HYDIN: variants seen among roughly 807,000 people sequenced by gnomAD.
HYDIN encodes axonemal central pair apparatus protein HYDIN.
Under a neutral mutation model 403.9 loss-of-function variants are expected in HYDIN, and 132 were observed. The observed-to-expected ratio is 0.33, with a 90% CI of 0.28 to 0.38. The LOEUF is 0.38. HYDIN is among the 10% of genes least tolerant of loss of function. The pLI is 1.00. For missense variants in HYDIN, 2,827 were observed against 5,009.5 expected, an observed-to-expected ratio of 0.56 and a Z score of 13.15; for synonymous variants, 1,202 against 1,891.7, an observed-to-expected ratio of 0.64 and a Z score of 9.46.
At chr16:70,930,352 A>T (rs1421681181) in intron 45 of HYDIN, among the ~76,000 whole-genome samples, 2 of 152,140 alleles carry the variant, frequency 1.3e-5, no homozygotes, top group East Asian at 3.9e-4. Flanking sequence ...ATGGTGGCAC[A>T]CGTCTGCAGT....
At chr16:70,850,992 A>G (rs1377764835) in intron 73 of HYDIN, among the ~76,000 whole-genome samples, 1 of 152,102 alleles carries the variant, frequency 6.6e-6, no homozygotes, top group Non-Finnish European at 1.5e-5. Flanking sequence ...AGCCAGAAGA[A>G]TAAAATAGGA....
intron 1 of HYDIN, among the ~76,000 whole-genome samples, chr16:71,212,003 AAAAC>A (rs1179581083): frequency 6.6e-6 from 1 of 152,232 alleles, no homozygotes; most frequent in African/African-American, 2.4e-5. Context: ...AATGTGCTGA[AAAAC>A]AAAAATCAAC....
At chr16:71,219,897 T>A (rs1430130249) in intron 1 of HYDIN, among the ~76,000 whole-genome samples, 1 of 152,158 alleles carries the variant, frequency 6.6e-6, no homozygotes, top group Non-Finnish European at 1.5e-5. Context: ...AAGAAATTAT[T>A]TGAAAGAAAA....
chr16:71,229,124 G>A (rs113580987), intron 1 of HYDIN, among the ~76,000 whole-genome samples: 2 of 139,228 alleles, frequency 1.4e-5, no homozygotes, highest in Non-Finnish European at 3.1e-5. Flanking sequence ...CTTGGACACA[G>A]GAAGGGGAAC....
At chr16:70,948,024 G>C (rs1450341112) in intron 41 of HYDIN, among the ~76,000 whole-genome samples, 4 of 151,846 alleles carry the variant, frequency 2.6e-5, no homozygotes, top group African/African-American at 9.7e-5. Flanking sequence ...AAAGAACAAA[G>C]CTGGAGGCAT....
rs2035134338 is a variant in HYDIN at position 70,806,956 on chromosome 16, T to G, written c.*624A>C. ...ATGTGTGGTGGGGGGAGCTGGGATC[T>G]CTATTAGCCTTTCTCCAGGGCCTAG... On this transcript the variant is annotated 3_prime_UTR_variant, in exon 86 of 86. Coordinates refer to ENST00000393567, the MANE Select transcript of HYDIN (RefSeq NM_001270974.2). 6.6e-6 allele frequency among the ~76,000 whole-genome samples: 1 copy of G among 152,140 alleles called. No individual in the cohort carries two copies. Among genetic ancestry groups the G allele is most frequent in the Non-Finnish European group, 1.5e-5 (1 of 68,026 alleles).
intron 23 of HYDIN, among the ~76,000 whole-genome samples, chr16:71,017,037 T>C (rs565297948): frequency 5.4e-4 from 82 of 152,080 alleles, no homozygotes; most frequent in African/African-American, 1.9e-3. Flanking sequence ...TGAGATCTGA[T>C]GGTTTAAAAG....
rs552548539 is a variant in HYDIN, at chr16:70,908,874, C to T, written c.8005-13G>A. 92 of 1,609,702 alleles carry T rather than the reference C, an allele frequency of 5.7e-5. 1 individual carries two copies. The South Asian group carries it at 7.1e-4, about 12-fold the overall frequency. The stretch of plus-strand genomic sequence containing the variant: ...GCTCCTCTTGAGCCTTAATTAAAAA[C>T]GAGCATGAGGTCTTAAATATTCACT... On this transcript the variant is annotated splice_polypyrimidine_tract_variant and intron_variant, in intron 47 of 85. Transcript: ENST00000393567.
chr16:71,198,718 G>A (rs7196455), intron 1 of HYDIN, among the ~76,000 whole-genome samples: 7,389 of 152,134 alleles, frequency 0.049, 609 homozygotes, highest in African/African-American at 0.17. Flanking sequence ...CTGAAACTTG[G>A]GGGACTGGAT....
intron 38 of HYDIN, 117 bp from the exon 39 acceptor site, chr16:70,959,937 A>T (rs1445851985): frequency 5.1e-6 from 3 of 587,020 alleles, no homozygotes; most frequent in Non-Finnish European, 8.9e-6. Context: ...TGTTTTTTTT[A>T]AATGGCAAAT....
At chr16:70,810,989 A>G (rs1427775232) in intron 84 of HYDIN, among the ~76,000 whole-genome samples, 1 of 152,226 alleles carries the variant, frequency 6.6e-6, no homozygotes, top group Non-Finnish European at 1.5e-5. Flanking sequence ...AAGAGACTGT[A>G]AGAATATATA....
intron 23 of HYDIN, among the ~76,000 whole-genome samples, chr16:71,002,933 C>G (rs889862621): frequency 1.3e-5 from 2 of 151,922 alleles, no homozygotes; most frequent in Non-Finnish European, 2.9e-5. Context: ...CTTGGCCTCC[C>G]AAAGTGCTGG....
At chr16:71,039,410 A>T in intron 18 of HYDIN, among the ~76,000 whole-genome samples, 1 of 152,186 alleles carries the variant, frequency 6.6e-6, no homozygotes, top group African/African-American at 2.4e-5. Context: ...AATTCTAGAA[A>T]AGGGTGGGTC....
In HYDIN at chr16:70,890,960, T is replaced by C. The variant is rs370487606; in HGVS notation, c.9656+686A>G. 8.0e-3 allele frequency among the ~76,000 whole-genome samples: 1,203 copies of C among 150,490 alleles called. 17 individuals carry two copies. Among genetic ancestry groups the C allele is most frequent in the African/African-American group, 0.027 (1,113 of 41,050 alleles). On this transcript the variant is annotated intron_variant, in intron 57 of 85. Coordinates refer to ENST00000393567, the MANE Select transcript of HYDIN (RefSeq NM_001270974.2). ...CTTTTGATTTAGCTTCCTATGATAA[T>C]AATTTCTTGGCGTTGTACAGAATGA...
intron 18 of HYDIN, among the ~76,000 whole-genome samples, chr16:71,039,549 C>CCTGT (rs1286278892): frequency 6.6e-6 from 1 of 152,126 alleles, no homozygotes; most frequent in Non-Finnish European, 1.5e-5. Context: ...CATGCCCCAG[C>CCTGT]CTGTGCCTAT....
intron 23 of HYDIN, among the ~76,000 whole-genome samples, chr16:71,004,152 T>C (rs964319344): frequency 3.3e-5 from 5 of 151,882 alleles, no homozygotes; most frequent in African/African-American, 1.2e-4. Flanking sequence ...CCATCTCTAC[T>C]GAACATACAA....
At chr16:70,943,040 T>C (rs1312958821) in intron 42 of HYDIN, among the ~76,000 whole-genome samples, 1 of 152,192 alleles carries the variant, frequency 6.6e-6, no homozygotes, top group Non-Finnish European at 1.5e-5. Flanking sequence ...GTTAATTTTG[T>C]TGTATTTAAA....
chr16:70,960,027 A>T (rs1379072710), intron 38 of HYDIN, among the ~76,000 whole-genome samples: 1 of 152,278 alleles, frequency 6.6e-6, no homozygotes, highest in Admixed American at 6.5e-5. Flanking sequence ...AAATAAAAAA[A>T]CAGATTTTTT....
At chr16:70,986,709 A>G (rs2079202981) in intron 27 of HYDIN, among the ~76,000 whole-genome samples, 1 of 144,072 alleles carries the variant, frequency 6.9e-6, no homozygotes, top group African/African-American at 2.6e-5. Context: ...AAAGTATATT[A>G]TATTATGGCA....
Sources: allele counts gnomAD v4.1 joint callset (sites outside exome capture counted in the v4.1 genomes callset), GRCh38; gene constraint gnomAD v4.1.1; transcripts MANE v1.5; gene names NCBI Gene and HGNC (gene_info 2026-07-23, HGNC 2026-07-21).